Variants in STK3 observed in about 807,000 individuals in gnomAD.
STK3 encodes the protein serine/threonine kinase 3, also known as serine/threonine-protein kinase 3.
STK3 carries 41 observed loss-of-function variants against 58.0 expected under a neutral mutation model. The observed-to-expected ratio is 0.71, with a 90% CI of 0.55 to 0.92. The LOEUF (loss-of-function observed/expected upper bound fraction) is 0.92. Among genes scored for constraint, STK3 ranks in the 40% least tolerant of loss-of-function variants. The pLI, the probability that STK3 is intolerant of heterozygous loss-of-function variation, is 0.00. For missense variants in STK3, 479 were observed against 602.7 expected (o/e 0.79, Z 2.15); for synonymous variants, 170 against 191.0 (o/e 0.89, Z 0.91).
Position 98,476,766 on chromosome 8 carries a change from C to G in STK3, c.1318-20766G>C, listed in dbSNP as rs189838782. On this transcript the variant is annotated intron_variant, in intron 10 of 10. Coordinates refer to ENST00000419617, the MANE Select transcript of STK3 (RefSeq NM_006281.4). Reference sequence around the variant, plus strand: ...AGCCATAGCCAAAATTATTTTTACACAGTCAACTCAAAATGTTTCCAAATT... The same window carrying G: ...AGCCATAGCCAAAATTATTTTTACAGAGTCAACTCAAAATGTTTCCAAATT... 7.8e-3 allele frequency among the ~76,000 whole-genome samples: 1,186 copies of G among 152,326 alleles called. 23 individuals carry two copies. Among genetic ancestry groups the G allele is most frequent in the Non-Finnish European group, 0.01 (696 of 68,028 alleles).
At chr8:98,526,706 G>T in intron 10 of STK3, 36 bp downstream of exon 10, 1 of 1,468,146 alleles carries the variant, frequency 6.8e-7, no homozygotes, top group South Asian at 1.5e-5. Flanking sequence ...AATATAGAAG[G>T]AGAAAACATA....
At chr8:98,903,541 CTTCTTCTTCTTCTTCCTTTT>C (rs1295795779) in intron 1 of STK3, among the ~76,000 whole-genome samples, 8 of 26,972 alleles carry the variant, frequency 3.0e-4, no homozygotes, top group African/African-American at 1.7e-3. Context: ...TCTTCTTCTT[CTTCTTCTTCTTCTTCCTTTT>C]TTTTTTTTTA....
At chr8:98,495,699 A>G (rs1481526567) in intron 10 of STK3, among the ~76,000 whole-genome samples, 1 of 152,234 alleles carries the variant, frequency 6.6e-6, no homozygotes. Context: ...CAAGACATGC[A>G]ATAGCAATTT....
At chr8:98,738,594 T>C (rs369534492) in intron 4 of STK3, among the ~76,000 whole-genome samples, 195 of 152,272 alleles carry the variant, frequency 1.3e-3, no homozygotes, top group African/African-American at 4.5e-3. Context: ...TAAGAACATA[T>C]TTCTGGATCC....
rs547291070 is a variant in STK3 at position 98,617,275 on chromosome 8, A to T, written c.685-21106T>A. Reference sequence around the variant, plus strand: ...TTCTTTGAAACCAACGAGAACAAAGACACAACATACCAGAATCTCTGGGAC... The same window carrying T: ...TTCTTTGAAACCAACGAGAACAAAGTCACAACATACCAGAATCTCTGGGAC... On this transcript the variant is annotated intron_variant, in intron 6 of 10. Transcript: ENST00000419617. 3.2e-3 allele frequency among the ~76,000 whole-genome samples: 469 copies of T among 145,400 alleles called. 1 individual carries two copies. The highest frequency in any genetic ancestry group is 0.012 in the African/African-American group (448 of 38,802).
At chr8:98,684,672 T>C (rs1029350515) in intron 6 of STK3, among the ~76,000 whole-genome samples, 3 of 152,146 alleles carry the variant, frequency 2.0e-5, no homozygotes, top group African/African-American at 7.2e-5. Flanking sequence ...GATAACAAAA[T>C]TGATTCAAGC....
chr8:98,834,160 C>G (rs907310706), intron 3 of STK3, among the ~76,000 whole-genome samples: 2 of 152,152 alleles, frequency 1.3e-5, no homozygotes, highest in African/African-American at 2.4e-5. Flanking sequence ...CACCATAAGC[C>G]ACACTTTATA....
At chr8:98,792,896 ATG>A (rs34465301) in intron 1 of STK3, among the ~76,000 whole-genome samples, 1,719 of 145,668 alleles carry the variant, frequency 0.012, 13 homozygotes, top group South Asian at 0.023. Flanking sequence ...AAGAGACTGT[ATG>A]TGTGTGTGTG....
intron 1 of STK3, among the ~76,000 whole-genome samples, chr8:98,899,835 C>A (rs1838590211): frequency 6.6e-6 from 1 of 152,202 alleles, no homozygotes; most frequent in Admixed American, 6.5e-5. Flanking sequence ...AGGTCTGAAG[C>A]TCCTTACTGC....
At chr8:98,672,563 A>G (rs1022261299) in intron 6 of STK3, among the ~76,000 whole-genome samples, 2 of 152,224 alleles carry the variant, frequency 1.3e-5, no homozygotes, top group Admixed American at 6.5e-5. Flanking sequence ...CACAGGCACT[A>G]GCACATTTAG....
intron 4 of STK3, 50 bp downstream of exon 4, chr8:98,749,226 A>G: frequency 7.3e-7 from 1 of 1,368,760 alleles, no homozygotes; most frequent in Non-Finnish European, 1.0e-6. Context: ...CAGATTCTAA[A>G]ATATCAATCT....
At chr8:98,858,323 T>TATATATATATATATAGAGAGAG (rs1189807446) in intron 3 of STK3, among the ~76,000 whole-genome samples, 2 of 16,256 alleles carry the variant, frequency 1.2e-4, no homozygotes, top group Non-Finnish European at 2.1e-4. Context: ...TATATATATA[T>TATATATATATATATAGAGAGAG]AGAGAGAGAG....
the STK3 span, among the ~76,000 whole-genome samples, chr8:98,361,044 T>TA: frequency 6.6e-6 from 1 of 152,240 alleles, no homozygotes. Flanking sequence ...GTCAGTCTGA[T>TA]AATCTGCTAT....
chr8:98,346,918 T>C, the STK3 span, among the ~76,000 whole-genome samples: 4 of 151,766 alleles, frequency 2.6e-5, no homozygotes, highest in Non-Finnish European at 4.4e-5. Context: ...CTTTTCCTTA[T>C]CATTTAAATG....
chr8:98,798,307 A>T (rs552870762), intron 1 of STK3, among the ~76,000 whole-genome samples: 7 of 152,364 alleles, frequency 4.6e-5, no homozygotes, highest in African/African-American at 1.7e-4. Context: ...CTATGTCAAT[A>T]TAAAATACAC....
chr8:98,712,423 A>G (rs1318040635), intron 4 of STK3, among the ~76,000 whole-genome samples: 1 of 152,090 alleles, frequency 6.6e-6, no homozygotes, highest in Non-Finnish European at 1.5e-5. Flanking sequence ...GGCTCAAAAT[A>G]AAAGGATGGA....
chr8:98,512,613 C>T (rs184275708), intron 10 of STK3, among the ~76,000 whole-genome samples: 7 of 152,024 alleles, frequency 4.6e-5, no homozygotes, highest in Admixed American at 4.6e-4. Flanking sequence ...TTGAAAAAAC[C>T]TAAAACTAAA....
At chr8:98,939,501 G>A (rs557413883) in intron 1 of STK3, among the ~76,000 whole-genome samples, 1 of 152,328 alleles carries the variant, frequency 6.6e-6, no homozygotes, top group Admixed American at 6.5e-5. Flanking sequence ...ACCTATCCCA[G>A]CGTCCCAGGG....
At chr8:98,793,423 A>G (rs534333143) in intron 1 of STK3, among the ~76,000 whole-genome samples, 160 of 152,336 alleles carry the variant, frequency 1.1e-3, no homozygotes, top group Non-Finnish European at 2.1e-3. Context: ...CTGCAGCCCC[A>G]GCTACTCAGG....
Sources: allele counts gnomAD v4.1 joint callset (sites outside exome capture counted in the v4.1 genomes callset), GRCh38; gene constraint gnomAD v4.1.1; transcripts MANE v1.5; gene names NCBI Gene and HGNC (gene_info 2026-07-23, HGNC 2026-07-21).